Variants in SLIT2 observed in about 807,000 individuals in gnomAD.
The protein encoded by SLIT2 is slit guidance ligand 2, also known as slit homolog 2 protein.
In SLIT2, 41 loss-of-function variants were observed where a neutral mutation model predicts 185.7. The ratio of observed to expected loss-of-function variants is 0.22; its 90% CI spans 0.17 to 0.29. The LOEUF (loss-of-function observed/expected upper bound fraction) is 0.29, where lower values mean the gene tolerates loss of function less well. SLIT2 is among the 10% of genes least tolerant of loss of function. The pLI is 1.00. For missense variants in SLIT2, 1,571 were observed against 1,909.0 expected (o/e 0.82, Z 3.30); for synonymous variants, 693 against 680.2 (o/e 1.02, Z -0.29).
intron 4 of SLIT2, among the ~76,000 whole-genome samples, chr4:20,350,233 T>A (rs765933842): frequency 6.6e-6 from 1 of 152,176 alleles, no homozygotes; most frequent in Non-Finnish European, 1.5e-5. Context: ...TGAAGTGATT[T>A]TTTTTATTAA....
chr4:20,472,540 C>CTATATCTATATATAGATA (rs1328131710), intron 5 of SLIT2, among the ~76,000 whole-genome samples: 1 of 9,494 alleles, frequency 1.1e-4, no homozygotes, highest in Non-Finnish European at 1.6e-4. Flanking sequence ...ATAGATATAT[C>CTATATCTATATATAGATA]TATATCTATA....
intron 4 of SLIT2, among the ~76,000 whole-genome samples, chr4:20,291,593 G>C (rs1230675232): frequency 7.1e-6 from 1 of 140,366 alleles, no homozygotes; most frequent in Admixed American, 7.4e-5. Context: ...TTCTGTTTAA[G>C]TTCTATTCAC....
At chr4:20,353,545 T>C (rs983744073) in intron 4 of SLIT2, among the ~76,000 whole-genome samples, 5 of 152,078 alleles carry the variant, frequency 3.3e-5, no homozygotes, top group African/African-American at 1.2e-4. Context: ...CAAAAAGCGG[T>C]TATTTTATGT....
intron 4 of SLIT2, among the ~76,000 whole-genome samples, chr4:20,302,895 T>G (rs1318906143): frequency 6.6e-6 from 1 of 152,204 alleles, no homozygotes; most frequent in Non-Finnish European, 1.5e-5. Context: ...ATGATATAAA[T>G]TTACCTTCTG....
chr4:20,578,462 TC>T (rs1478108911), intron 29 of SLIT2, among the ~76,000 whole-genome samples: 1 of 152,210 alleles, frequency 6.6e-6, no homozygotes, highest in African/African-American at 2.4e-5. Flanking sequence ...CAGATTGCCA[TC>T]CTAAATTTCT....
At chr4:20,545,915 A>T in intron 21 of SLIT2, 116 bp from the exon 22 acceptor site, 1 of 479,434 alleles carries the variant, frequency 2.1e-6, no homozygotes, top group Non-Finnish European at 3.7e-6. Flanking sequence ...ACGACATCTT[A>T]AAGCAAAAAT....
chr4:20,490,452 T>C (rs1717683448), intron 8 of SLIT2, among the ~76,000 whole-genome samples: 1 of 152,092 alleles, frequency 6.6e-6, no homozygotes, highest in South Asian at 2.1e-4. Flanking sequence ...TGTGGGTGTG[T>C]GTGTATATAT....
chr4:20,324,698 A>G (rs1030986613), intron 4 of SLIT2, among the ~76,000 whole-genome samples: 1 of 152,182 alleles, frequency 6.6e-6, no homozygotes, highest in Non-Finnish European at 1.5e-5. Flanking sequence ...AAATTTAACC[A>G]TTCCATAATA....
intron 4 of SLIT2, among the ~76,000 whole-genome samples, chr4:20,432,161 C>T (rs17610209): frequency 0.22 from 33,296 of 151,980 alleles, 3,861 homozygotes; most frequent in Non-Finnish European, 0.27. Context: ...CTTTTGCCTT[C>T]GGTGAACTGG....
chr4:20,295,522 T>G (rs1716365447), intron 4 of SLIT2, among the ~76,000 whole-genome samples: 1 of 152,160 alleles, frequency 6.6e-6, no homozygotes, highest in African/African-American at 2.4e-5. Flanking sequence ...GCTGCTCAAG[T>G]GAAGGGCAGA....
chr4:20,546,173 T>C, intron 22 of SLIT2, 74 bp downstream of exon 22: 1 of 762,790 alleles, frequency 1.3e-6, no homozygotes, highest in Non-Finnish European at 2.2e-6. Flanking sequence ...ACAGAAGATT[T>C]AGTGAACCTT....
chr4:20,381,956 T>C (rs1041872910), intron 4 of SLIT2, among the ~76,000 whole-genome samples: 1 of 151,686 alleles, frequency 6.6e-6, no homozygotes, highest in Non-Finnish European at 1.5e-5. Flanking sequence ...CAAAACTGTA[T>C]TTATTTATAC....
intron 34 of SLIT2, among the ~76,000 whole-genome samples, chr4:20,614,326 C>A (rs1729469210): frequency 6.6e-6 from 1 of 152,084 alleles, no homozygotes; most frequent in Non-Finnish European, 1.5e-5. Context: ...GGACAGAGGA[C>A]CTAGGCTTGA....
chr4:20,295,740 T>G (rs1003924285), intron 4 of SLIT2, among the ~76,000 whole-genome samples: 1 of 152,212 alleles, frequency 6.6e-6, no homozygotes, highest in South Asian at 2.1e-4. Context: ...GCACAATGAT[T>G]TATTTATTTA....
chr4:20,357,450 A>G (rs1038067659), intron 4 of SLIT2, among the ~76,000 whole-genome samples: 2 of 152,152 alleles, frequency 1.3e-5, no homozygotes, highest in African/African-American at 4.8e-5. Context: ...CAAATTAGAG[A>G]TATGCTATTT....
intron 8 of SLIT2, 115 bp from the exon 9 acceptor site, chr4:20,491,646 T>C (rs1027971805): frequency 1.2e-6 from 1 of 811,220 alleles, no homozygotes; most frequent in Admixed American, 2.5e-5. Context: ...TTTATCATCA[T>C]GTATTTAAAG....
intron 34 of SLIT2, among the ~76,000 whole-genome samples, chr4:20,612,587 G>A (rs1045707112): frequency 6.6e-6 from 1 of 152,074 alleles, no homozygotes; most frequent in Non-Finnish European, 1.5e-5. Context: ...GAAGCAGAGG[G>A]AGAAAAGGAG....
At chr4:20,395,635 T>A (rs1266126456) in intron 4 of SLIT2, among the ~76,000 whole-genome samples, 1 of 151,930 alleles carries the variant, frequency 6.6e-6, no homozygotes, top group Non-Finnish European at 1.5e-5. Context: ...AAAAAAGCAT[T>A]GGGCAAAATG....
At chr4:20,400,206 A>G (rs1185332980) in intron 4 of SLIT2, among the ~76,000 whole-genome samples, 1 of 151,746 alleles carries the variant, frequency 6.6e-6, no homozygotes. Context: ...TCTTATTATG[A>G]TGGTTATTCT....
Sources: gnomAD v4.1 joint callset for allele counts (sites outside exome capture counted in the v4.1 genomes callset) on GRCh38, gnomAD v4.1.1 for gene constraint, MANE v1.5 for transcripts, NCBI Gene and HGNC (gene_info 2026-07-23, HGNC 2026-07-21) for gene names.